Variants in KCNH8 observed in about 807,000 individuals in gnomAD.
KCNH8 encodes the protein potassium voltage-gated channel subfamily H member 8, also known as voltage-gated delayed rectifier potassium channel KCNH8.
A neutral mutation model predicts 103.6 loss-of-function variants in KCNH8; 70 were observed. That is an observed-to-expected ratio of 0.68 (90% CI 0.56 to 0.82). The LOEUF (loss-of-function observed/expected upper bound fraction) is 0.82, where lower values mean the gene tolerates loss of function less well. KCNH8 is among the 40% of genes least tolerant of loss of function. The pLI is 0.00. For missense variants in KCNH8, 1,217 were observed against 1,329.9 expected (o/e 0.92, Z 1.32); for synonymous variants, 498 against 489.4 (o/e 1.02, Z -0.23).
At chr3:19,436,577 C>CT (rs1233939788) in intron 7 of KCNH8, among the ~76,000 whole-genome samples, 1 of 152,120 alleles carries the variant, frequency 6.6e-6, no homozygotes, top group African/African-American at 2.4e-5. Flanking sequence ...GCTTCATCAG[C>CT]TGTAACACAG....
intron 1 of KCNH8, among the ~76,000 whole-genome samples, chr3:19,190,715 A>T (rs1286637113): frequency 6.6e-6 from 1 of 151,922 alleles, no homozygotes; most frequent in South Asian, 2.1e-4. Context: ...AGTGCGATTG[A>T]TAATGTTGCA....
intron 3 of KCNH8, among the ~76,000 whole-genome samples, chr3:19,336,587 C>G (rs1415837655): frequency 3.3e-5 from 5 of 151,634 alleles, no homozygotes; most frequent in Non-Finnish European, 7.4e-5. Context: ...TATTAACATT[C>G]CCTATAATTT....
intron 11 of KCNH8, among the ~76,000 whole-genome samples, chr3:19,464,412 C>T (rs898042955): frequency 9.2e-5 from 14 of 151,690 alleles, no homozygotes; most frequent in Non-Finnish European, 1.2e-4. Flanking sequence ...CAGACCTAAA[C>T]GAAAGAAAAA....
chr3:19,335,983 A>C (rs1235345695), intron 3 of KCNH8, among the ~76,000 whole-genome samples: 1 of 151,706 alleles, frequency 6.6e-6, no homozygotes, highest in South Asian at 2.1e-4. Flanking sequence ...GCCACCTTTT[A>C]GAAAAAAATG....
chr3:19,301,045 C>T (rs907267199), intron 3 of KCNH8, among the ~76,000 whole-genome samples: 1 of 151,384 alleles, frequency 6.6e-6, no homozygotes, highest in Non-Finnish European at 1.5e-5. Flanking sequence ...ATATAATCCT[C>T]TCAATAACCC....
chr3:19,316,016 A>G (rs538230301), intron 3 of KCNH8, among the ~76,000 whole-genome samples: 1 of 152,010 alleles, frequency 6.6e-6, no homozygotes, highest in African/African-American at 2.4e-5. Context: ...TACTCCATTT[A>G]TTGTGTGTGA....
chr3:19,321,466 A>G (rs1260806270), intron 3 of KCNH8, among the ~76,000 whole-genome samples: 1 of 150,636 alleles, frequency 6.6e-6, no homozygotes, highest in Non-Finnish European at 1.5e-5. Flanking sequence ...CAGGTTATTT[A>G]ATTTCTATGT....
intron 1 of KCNH8, among the ~76,000 whole-genome samples, chr3:19,248,144 A>G (rs2064229755): frequency 6.6e-6 from 1 of 152,228 alleles, no homozygotes. Context: ...AGTTAAACCT[A>G]AGATTTGAAA....
At chr3:19,432,366 G>A (rs1279401695) in intron 7 of KCNH8, among the ~76,000 whole-genome samples, 5 of 152,134 alleles carry the variant, frequency 3.3e-5, no homozygotes, top group Middle Eastern at 3.2e-3. Context: ...GTGCAAATTT[G>A]AGACGAGACC....
At chr3:19,463,326 T>C (rs1470346063) in intron 11 of KCNH8, among the ~76,000 whole-genome samples, 1 of 152,064 alleles carries the variant, frequency 6.6e-6, no homozygotes, top group African/African-American at 2.4e-5. Context: ...CATAATTGAA[T>C]GCAAAAGTTT....
rs549825012 is a variant in KCNH8, at chr3:19,148,807, A to G, written c.76+12A>G. The G allele has an allele frequency of 2.2e-4, 356 of 1,611,364 alleles. No homozygotes were observed. In the South Asian group the frequency reaches 2.6e-3, roughly 12 times the overall value. Reference sequence around the variant, plus strand: ...TTTTGACGGAACACGTAAGTCTTACACTTGAACGAGTGGTATGGCATTTTC... The same window carrying G: ...TTTTGACGGAACACGTAAGTCTTACGCTTGAACGAGTGGTATGGCATTTTC... On this transcript the variant is annotated intron_variant, in intron 1 of 15. Transcript: ENST00000328405.
At position 19,195,106 on chromosome 3, in the gene KCNH8, A is replaced by G. The variant is rs182310316; in HGVS notation, c.76+46311A>G. ...ACTTCTATAATCAAATTTTTCCCTG[A>G]CCCTCAGCTATAGTATAGGAACACT... On this transcript the variant is annotated intron_variant, in intron 1 of 15. Transcript: ENST00000328405. Among the ~76,000 whole-genome samples, 859 of 151,794 alleles carry G rather than the reference A, an allele frequency of 5.7e-3. 12 individuals carry two copies. Among genetic ancestry groups the G allele is most frequent in the African/African-American group, 0.019 (772 of 41,448 alleles).
chr3:19,281,129 G>A, intron 2 of KCNH8, 69 bp from the exon 3 acceptor site: 1 of 1,502,704 alleles, frequency 6.7e-7, no homozygotes, highest in Non-Finnish European at 9.1e-7. Flanking sequence ...TTTTATTGAT[G>A]ATTGAGATTT....
chr3:19,285,769 G>GT (rs2064822579), intron 3 of KCNH8, among the ~76,000 whole-genome samples: 1 of 151,928 alleles, frequency 6.6e-6, no homozygotes, highest in South Asian at 2.1e-4. Context: ...CCTACATTAT[G>GT]TTTTTTCTCC....
chr3:19,529,694 C>T (rs1003889273), intron 15 of KCNH8, among the ~76,000 whole-genome samples: 1 of 152,154 alleles, frequency 6.6e-6, no homozygotes, highest in African/African-American at 2.4e-5. Context: ...TTTACTATCA[C>T]CACAGTCTCT....
chr3:19,322,277 A>G (rs1377165844), intron 3 of KCNH8, among the ~76,000 whole-genome samples: 1 of 151,932 alleles, frequency 6.6e-6, no homozygotes. Flanking sequence ...ATTGTTTTAT[A>G]GGTCCTGTGA....
intron 8 of KCNH8, among the ~76,000 whole-genome samples, chr3:19,439,786 G>C (rs567387495): frequency 1.3e-5 from 2 of 151,824 alleles, no homozygotes; most frequent in African/African-American, 4.8e-5. Context: ...AAGCAAAGAC[G>C]TAAAAGAAAA....
chr3:19,430,184 T>A (rs1026833033), intron 7 of KCNH8, among the ~76,000 whole-genome samples: 1 of 152,238 alleles, frequency 6.6e-6, no homozygotes, highest in Admixed American at 6.5e-5. Context: ...CTTGTGTATA[T>A]GGCTAGTCTG....
chr3:19,466,628 G>A (rs1051851292), intron 11 of KCNH8, among the ~76,000 whole-genome samples: 1 of 105,480 alleles, frequency 9.5e-6, no homozygotes, highest in African/African-American at 3.4e-5. Context: ...TCAGATGATT[G>A]TTAACATTTT....
Sources: allele counts gnomAD v4.1 joint callset (sites outside exome capture counted in the v4.1 genomes callset), GRCh38; gene constraint gnomAD v4.1.1; transcripts MANE v1.5; gene names NCBI Gene and HGNC (gene_info 2026-07-23, HGNC 2026-07-21).